The following EIF3F variants were observed in gnomAD, a reference collection of about 807,000 sequenced individuals.
EIF3F encodes the protein deubiquitinating enzyme eIF3f.
In EIF3F, 8 loss-of-function variants were observed where a neutral mutation model predicts 36.0. That is an observed-to-expected ratio of 0.22 (90% CI 0.13 to 0.40). The LOEUF is 0.40. Ranked by LOEUF, EIF3F falls within the 10% of genes least tolerant of loss-of-function variation. The pLI, the probability that EIF3F is intolerant of heterozygous loss-of-function variation, is 1.00. For missense variants in EIF3F, 430 were observed against 467.6 expected (o/e 0.92, Z 0.74); for synonymous variants, 184 against 188.5 (o/e 0.98, Z 0.19).
At position 8,000,643 on chromosome 11, in the gene EIF3F, T is replaced by C. The variant is rs570268416; in HGVS notation, c.*4621T>C. 19 of 152,274 alleles carry C rather than the reference T, an allele frequency of 1.2e-4. No homozygotes were observed. The highest frequency in any genetic ancestry group is 4.3e-4 in the African/African-American group (18 of 41,560). The allele number at this position is 152,274 out of a possible 1,614,324, so 9.4% of individuals were successfully genotyped here. On this transcript the variant is annotated 3_prime_UTR_variant, in exon 8 of 8. Transcript: ENST00000651655. Reference sequence around the variant, plus strand: ...ATCACATTGTACAAAATACATACAGTTTTTGTCAATTTAAAGATATCAGAA... The same window carrying C: ...ATCACATTGTACAAAATACATACAGCTTTTGTCAATTTAAAGATATCAGAA...
rs375415343 is a variant in EIF3F at position 7,987,577 on chromosome 11, C to A, written c.225C>A (p.Pro75=). Residue 75 remains proline, a synonymous_variant, in exon 1 of 8, where the codon CCC becomes CCA. Coordinates refer to ENST00000651655, the MANE Select transcript of EIF3F (RefSeq NM_003754.3). ...SAQAPAQTPA[P]ALPGPALPGP... ...AAGCTCCAGCGCAGACCCCAGCGCC[C>A]GCTCTGCCTGGTCCTGCTCTTCCAG... is the stretch of plus-strand genomic sequence containing the variant. 2.3e-4 allele frequency: 367 copies of A among 1,597,102 alleles called. 1 individual carries two copies. In the African/African-American group the frequency reaches 4.3e-3, roughly 19 times the overall value.
intron 1 of EIF3F, among the ~76,000 whole-genome samples, chr11:7,990,822 A>G (rs1363838260): frequency 6.6e-6 from 1 of 151,986 alleles, no homozygotes; most frequent in Non-Finnish European, 1.5e-5. Flanking sequence ...AGAGAATGGA[A>G]AACTCAACGT....
At chr11:7,992,839 T>C (rs761466751) in intron 3 of EIF3F, 48 bp from the exon 4 acceptor site, 5 of 1,612,290 alleles carry the variant, frequency 3.1e-6, no homozygotes, top group Non-Finnish European at 4.2e-6. Context: ...GTGTTTGATA[T>C]TGACGCCACA....
intron 7 of EIF3F, 85 bp from the exon 8 acceptor site, chr11:7,995,860 T>G: frequency 3.9e-6 from 4 of 1,031,650 alleles, no homozygotes; most frequent in Non-Finnish European, 6.2e-6. Flanking sequence ...TCATACCCAG[T>G]GTCTACCATA....
At chr11:7,992,465 A>G (rs924716953) in intron 3 of EIF3F, 42 of 442,562 alleles carry the variant, frequency 9.5e-5, no homozygotes, top group African/African-American at 8.2e-4. Flanking sequence ...CTAGCTATTC[A>G]GGAGGCTGAG....
rs971388752 is a variant in EIF3F at position 7,997,983 on chromosome 11, G to A, written c.*1961G>A. 6.6e-6 allele frequency: 1 copy of A among 152,196 alleles called. No individual in the cohort carries two copies. The highest frequency in any genetic ancestry group is 1.5e-5 in the Non-Finnish European group (1 of 68,036). 9.4% of individuals were successfully genotyped at this position (152,196 alleles called of 1,614,324 possible). A position where few individuals can be genotyped will look rare whatever the true frequency, so the allele number is the denominator to read the frequency against. On this transcript the variant is annotated 3_prime_UTR_variant, in exon 8 of 8. Coordinates refer to ENST00000651655, the MANE Select transcript of EIF3F (RefSeq NM_003754.3). ...AAAGTATATGAGAAGGTATGCACAG[G>A]TTATATCCAAATACTTCATATTAGG... is the stretch of plus-strand genomic sequence containing the variant.
rs1445169142 is a variant in EIF3F, at chr11:8,000,305, T to C, written c.*4283T>C. ...CAACATGGATGGACCTGGAGGACAC[T>C]ATGCTAGTGAAATAAGCCATGATCT... On this transcript the variant is annotated 3_prime_UTR_variant, in exon 8 of 8. Transcript: ENST00000651655. The C allele has an allele frequency of 6.6e-6, 1 of 152,002 alleles. No homozygotes were observed. The highest frequency in any genetic ancestry group is 2.4e-5 in the African/African-American group (1 of 41,380). 9.4% of individuals were successfully genotyped at this position (152,002 alleles called of 1,614,324 possible).
rs1942188329 is a variant in EIF3F, at chr11:7,998,602, C to T, written c.*2580C>T. On this transcript the variant is annotated 3_prime_UTR_variant, in exon 8 of 8. Transcript: ENST00000651655. ...CATGTCCGCAAATGGCTGCAAAAGCCCAGCAAGTACTGATACTGGAGTTAG... is the reference window on the plus strand; with the variant it reads ...CATGTCCGCAAATGGCTGCAAAAGCTCAGCAAGTACTGATACTGGAGTTAG... The T allele has an allele frequency of 6.6e-6, 1 of 152,028 alleles. No individual in the cohort carries two copies. Among genetic ancestry groups the T allele is most frequent in the Admixed American group, 6.5e-5 (1 of 15,268 alleles). 9.4% of individuals were successfully genotyped at this position (152,028 alleles called of 1,614,324 possible). A position where few individuals can be genotyped will look rare whatever the true frequency, so the allele number is the denominator to read the frequency against.
At chr11:7,987,913 C>T (rs1942047396) in intron 1 of EIF3F, 197 bp downstream of exon 1, 4 of 760,798 alleles carry the variant, frequency 5.3e-6, no homozygotes, top group Admixed American at 4.2e-5. Context: ...TCCTCTCTCT[C>T]CTGCCGGATT....
intron 3 of EIF3F, chr11:7,992,662 T>A: frequency 3.5e-6 from 2 of 579,250 alleles, no homozygotes; most frequent in South Asian, 3.9e-5. Flanking sequence ...GGGGCCAGGA[T>A]ATTTCGAATT....
At chr11:7,995,427 C>A in intron 7 of EIF3F, 60 bp downstream of exon 7, 2 of 1,355,222 alleles carry the variant, frequency 1.5e-6, no homozygotes, top group Non-Finnish European at 2.1e-6. Flanking sequence ...AGCACATACA[C>A]TCAAATGTGA....
chr11:7,995,619 G>A (rs770213559), intron 7 of EIF3F: 28 of 580,974 alleles, frequency 4.8e-5, no homozygotes, highest in Middle Eastern at 8.3e-4. Context: ...GTCTAAATTC[G>A]TGATGGAAAG....
intron 1 of EIF3F, among the ~76,000 whole-genome samples, chr11:7,990,277 T>C (rs1354461502): frequency 6.6e-6 from 1 of 152,158 alleles, no homozygotes; most frequent in Non-Finnish European, 1.5e-5. Flanking sequence ...ATTGAACCCA[T>C]AAAATTGGAT....
At chr11:7,992,401 T>C in intron 3 of EIF3F, 1 of 541,472 alleles carries the variant, frequency 1.8e-6, no homozygotes, top group Non-Finnish European at 3.3e-6. Flanking sequence ...ACCCTGTCTC[T>C]ACAAAAACAT....
Position 7,996,056 on chromosome 11 carries a change from T to G in EIF3F, c.*34T>G, listed in dbSNP as rs761382498. 6 of 1,600,766 alleles carry G rather than the reference T, an allele frequency of 3.7e-6. No individual in the cohort carries two copies. The highest frequency in any genetic ancestry group is 5.1e-6 in the Non-Finnish European group (6 of 1,167,898). On this transcript the variant is annotated 3_prime_UTR_variant, in exon 8 of 8. Coordinates refer to ENST00000651655, the MANE Select transcript of EIF3F (RefSeq NM_003754.3). ...CAAGCAGTACACTTGCTGGTCTAGG[T>G]ATTAACCCCAGGACTCAGAAGTGAA... is the stretch of plus-strand genomic sequence containing the variant.
In EIF3F at chr11:7,999,838, G is replaced by T. The variant is rs1260198885; in HGVS notation, c.*3816G>T. 2.0e-5 allele frequency: 3 copies of T among 152,234 alleles called. No homozygotes were observed. Among genetic ancestry groups the T allele is most frequent in the African/African-American group, 4.8e-5 (2 of 41,460 alleles). 9.4% of individuals were successfully genotyped at this position (152,234 alleles called of 1,614,324 possible). A position where few individuals can be genotyped will look rare whatever the true frequency, so the allele number is the denominator to read the frequency against. On this transcript the variant is annotated 3_prime_UTR_variant, in exon 8 of 8. Coordinates refer to ENST00000651655, the MANE Select transcript of EIF3F (RefSeq NM_003754.3). ...CCAAAGGAAATGAAATCAGTATGTT[G>T]AAGAGATACTTCCACGTTCACTGAA...
chr11:7,992,660 G>T (rs1012083423), intron 3 of EIF3F: 2 of 576,998 alleles, frequency 3.5e-6, no homozygotes, highest in African/African-American at 3.8e-5. Flanking sequence ...GTGGGGCCAG[G>T]ATATTTCGAA....
intron 1 of EIF3F, among the ~76,000 whole-genome samples, chr11:7,989,639 TA>T (rs11347938): frequency 0.18 from 27,667 of 152,172 alleles, 2,909 homozygotes; most frequent in African/African-American, 0.3. Context: ...AGTGTACTCT[TA>T]AATGCAAATA....
Position 7,997,316 on chromosome 11 carries a change from G to A in EIF3F, c.*1294G>A, listed in dbSNP as rs1467260419. ...TTTCAGTGTTCTTACATTTTTGGGA[G>A]TAGCCAGTTAATATCAACTTAGTCT... is the stretch of plus-strand genomic sequence containing the variant. On this transcript the variant is annotated 3_prime_UTR_variant, in exon 8 of 8. Coordinates refer to ENST00000651655, the MANE Select transcript of EIF3F (RefSeq NM_003754.3). 1.3e-5 allele frequency: 2 copies of A among 152,284 alleles called. No homozygotes were observed. The highest frequency in any genetic ancestry group is 4.8e-5 in the African/African-American group (2 of 41,568). The allele number at this position is 152,284 out of a possible 1,614,324, so 9.4% of individuals were successfully genotyped here. A position where few individuals can be genotyped will look rare whatever the true frequency, so the allele number is the denominator to read the frequency against.
Sources: allele counts gnomAD v4.1 joint callset (sites outside exome capture counted in the v4.1 genomes callset), GRCh38; gene constraint gnomAD v4.1.1; transcripts MANE v1.5; gene names NCBI Gene and HGNC (gene_info 2026-07-23, HGNC 2026-07-21).